Variants in HHAT observed in about 807,000 individuals in gnomAD.
HHAT encodes hedgehog acyltransferase.
Under a neutral mutation model 70.8 loss-of-function variants are expected in HHAT, and 47 were observed. The observed-to-expected ratio is 0.66, with a 90% CI of 0.53 to 0.85. The LOEUF is 0.85. Among genes scored for constraint, HHAT ranks in the 40% least tolerant of loss-of-function variants. HHAT has a pLI of 0.00. For missense variants in HHAT, 609 were observed against 604.8 expected (o/e 1.01, Z -0.07); for synonymous variants, 228 against 247.6 (o/e 0.92, Z 0.74).
chr1:210,418,965 G>A (rs1165056722), intron 7 of HHAT, among the ~76,000 whole-genome samples: 6 of 152,050 alleles, frequency 3.9e-5, no homozygotes, highest in Admixed American at 2.0e-4. Flanking sequence ...TCTGGGAGGC[G>A]GAGGTTGCAG....
At chr1:210,523,040 C>T (rs747540198) in intron 9 of HHAT, among the ~76,000 whole-genome samples, 4 of 152,068 alleles carry the variant, frequency 2.6e-5, no homozygotes, top group Non-Finnish European at 5.9e-5. Flanking sequence ...CCAGGTTGTC[C>T]GAGCCTCTTC....
chr1:210,444,788 A>T (rs575920384), intron 7 of HHAT, among the ~76,000 whole-genome samples: 9 of 152,196 alleles, frequency 5.9e-5, no homozygotes, highest in African/African-American at 2.2e-4. Context: ...TGCTGAGTTT[A>T]CAGACGTGAA....
chr1:210,455,377 C>A lies in HHAT; in HGVS notation c.857-9128C>A, dbSNP rs183235933. Among the ~76,000 whole-genome samples the A allele has an allele frequency of 2.0e-5, 3 of 152,308 alleles. No homozygotes were observed. The South Asian group carries it at 6.2e-4, about 32-fold the overall frequency. On this transcript the variant is annotated intron_variant, in intron 7 of 11. Transcript: ENST00000261458. ...ATTTGATTTCAAATACCTTTGCATA[C>A]GTTGTGCTCTTTGAGGCTGGATTTT...
At chr1:210,377,035 C>T (rs1007563177) in intron 3 of HHAT, among the ~76,000 whole-genome samples, 19 of 152,334 alleles carry the variant, frequency 1.2e-4, no homozygotes, top group Admixed American at 9.8e-4. Flanking sequence ...AGCTTTCTTG[C>T]ATATGTGAAG....
chr1:210,656,474 C>G (rs1479320527), intron 11 of HHAT, among the ~76,000 whole-genome samples: 1 of 152,172 alleles, frequency 6.6e-6, no homozygotes, highest in African/African-American at 2.4e-5. Context: ...CAGCAGTGAT[C>G]ATGGCTCCTC....
intron 8 of HHAT, among the ~76,000 whole-genome samples, chr1:210,492,501 T>G (rs1230642204): frequency 6.6e-6 from 1 of 152,160 alleles, no homozygotes; most frequent in Non-Finnish European, 1.5e-5. Flanking sequence ...ACTACCAAAG[T>G]AGAATGTGTC....
chr1:210,672,870 T>G (rs1275006719), intron 11 of HHAT, among the ~76,000 whole-genome samples: 1 of 152,220 alleles, frequency 6.6e-6, no homozygotes, highest in East Asian at 1.9e-4. Flanking sequence ...TTCTGTGTGC[T>G]TACAAATGGC....
chr1:210,357,436 G>T (rs1165012324), intron 2 of HHAT, among the ~76,000 whole-genome samples: 2 of 152,202 alleles, frequency 1.3e-5, no homozygotes, highest in Non-Finnish European at 2.9e-5. Context: ...GTCTTGCTAA[G>T]TTCCCCTCAG....
In HHAT at chr1:210,462,529, C is replaced by T. The variant is rs2094000642; in HGVS notation, c.857-1976C>T. 3 of 152,328 alleles carry T rather than the reference C, an allele frequency of 2.0e-5. 1 individual carries two copies. Among genetic ancestry groups the T allele is most frequent in the African/African-American group, 2.4e-5 (1 of 41,574 alleles). The allele number at this position is 152,328 out of a possible 1,614,324, so 9.4% of individuals were successfully genotyped here. A position where few individuals can be genotyped will look rare whatever the true frequency, so the allele number is the denominator to read the frequency against. On this transcript the variant is annotated intron_variant, in intron 7 of 11. Transcript: ENST00000261458. ...ACATGTATATATATTCACACACACA[C>T]ACAAATCAGATTTTTTCCTGACTCT...
chr1:210,370,093 A>C (rs774224164), intron 3 of HHAT, among the ~76,000 whole-genome samples: 4 of 148,920 alleles, frequency 2.7e-5, no homozygotes, highest in Non-Finnish European at 5.9e-5. Context: ...CACACTCTTG[A>C]TCTGTTAGTT....
chr1:210,394,229 CTTTTTTTTTTT>C (rs59554789), intron 4 of HHAT, among the ~76,000 whole-genome samples: 16 of 116,322 alleles, frequency 1.4e-4, no homozygotes, highest in Non-Finnish European at 1.1e-4. Context: ...CATGATCTAT[CTTTTTTTTTTT>C]TTTTTTTTTT....
At chr1:210,447,406 A>G (rs1339367697) in intron 7 of HHAT, among the ~76,000 whole-genome samples, 6 of 152,178 alleles carry the variant, frequency 3.9e-5, no homozygotes, top group Admixed American at 6.5e-5. Flanking sequence ...CTTTTATATC[A>G]GTGCACGATG....
chr1:210,554,492 T>C (rs2095555512), intron 9 of HHAT, among the ~76,000 whole-genome samples: 1 of 152,128 alleles, frequency 6.6e-6, no homozygotes, highest in African/African-American at 2.4e-5. Flanking sequence ...AACGCACCTT[T>C]CTCTACCCAG....
intron 8 of HHAT, among the ~76,000 whole-genome samples, chr1:210,481,991 G>GGA (rs1170886618): frequency 6.6e-6 from 1 of 152,158 alleles, no homozygotes; most frequent in African/African-American, 2.4e-5. Flanking sequence ...GGAGTGAGCA[G>GGA]GAGAGTGGCA....
intron 11 of HHAT, among the ~76,000 whole-genome samples, chr1:210,643,928 C>CTTTT (rs10682667): frequency 6.6e-6 from 1 of 151,108 alleles, no homozygotes; most frequent in African/African-American, 2.4e-5. Context: ...GGAGAAATTT[C>CTTTT]TTTTTTTTTC....
At chr1:210,474,168 C>CT (rs1395303258) in intron 8 of HHAT, among the ~76,000 whole-genome samples, 3 of 152,166 alleles carry the variant, frequency 2.0e-5, no homozygotes, top group African/African-American at 7.2e-5. Context: ...GACCACCCCC[C>CT]ATAGAATCCC....
chr1:210,545,558 TC>T (rs1285459317), intron 9 of HHAT, among the ~76,000 whole-genome samples: 1 of 150,468 alleles, frequency 6.6e-6, no homozygotes, highest in African/African-American at 2.4e-5. Flanking sequence ...TGCCCCAGCC[TC>T]CTAAGTAGCT....
chr1:210,470,253 G>T (rs2094180539), intron 8 of HHAT, among the ~76,000 whole-genome samples: 2 of 152,184 alleles, frequency 1.3e-5, no homozygotes, highest in Admixed American at 6.5e-5. Flanking sequence ...GTGAAAGACG[G>T]ATTTCAAATT....
chr1:210,404,645 G>A lies in HHAT; in HGVS notation c.650G>A (p.Gly217Glu). Residue 217 changes from glycine to glutamate, a missense_variant, in exon 6 of 12, where the codon GGG (glycine) becomes GAG (glutamate). Gly to Glu is a moderately conservative substitution (Grantham distance 98, BLOSUM62 -2). Transcript: ENST00000261458. Reference protein sequence around the residue: ...YVFYYPVLHNGPILSFSEFIK... With the variant: ...YVFYYPVLHNEPILSFSEFIK... ...TTTTATTATCCAGTCTTACACAATG[G>A]GCCCATCCTCAGCTTCTCGGAGTTC... 1.2e-6 allele frequency: 2 copies of A among 1,614,036 alleles called. No homozygotes were observed. The highest frequency in any genetic ancestry group is 1.7e-6 in the Non-Finnish European group (2 of 1,180,000).
Sources: allele counts gnomAD v4.1 joint callset (sites outside exome capture counted in the v4.1 genomes callset), GRCh38; gene constraint gnomAD v4.1.1; transcripts MANE v1.5; gene names NCBI Gene and HGNC (gene_info 2026-07-23, HGNC 2026-07-21).